The following ZNF425 variants were observed in gnomAD, a reference collection of about 807,000 sequenced individuals.
ZNF425 encodes zinc finger protein 425.
ZNF425 carries 21 observed loss-of-function variants against 17.0 expected under a neutral mutation model. That is an observed-to-expected ratio of 1.23 (90% CI 0.88 to 1.78). The LOEUF (loss-of-function observed/expected upper bound fraction) is 1.78, where lower values mean the gene tolerates loss of function less well. Among genes scored for constraint, ZNF425 ranks in the 40% most tolerant of loss-of-function variants. ZNF425 has a pLI of 0.00. For synonymous variants in ZNF425, 433 were observed against 384.1 expected, an observed-to-expected ratio of 1.13 and a Z score of -1.49; for missense variants, 868 against 967.3, an observed-to-expected ratio of 0.90 and a Z score of 1.36.
intron 2 of ZNF425, among the ~76,000 whole-genome samples, chr7:149,113,115 T>G (rs1463922399): frequency 1.3e-5 from 2 of 151,464 alleles, no homozygotes; most frequent in East Asian, 3.9e-4. Context: ...TAGCTGGGAT[T>G]ACAGGTACGT....
intron 2 of ZNF425, among the ~76,000 whole-genome samples, chr7:149,114,256 TA>T (rs1273352114): frequency 2.1e-5 from 3 of 145,006 alleles, no homozygotes; most frequent in African/African-American, 7.7e-5. Context: ...GTATTTTTAG[TA>T]GAGACGGGGT....
At chr7:149,112,707 C>A (rs1365085096) in intron 2 of ZNF425, among the ~76,000 whole-genome samples, 1 of 151,998 alleles carries the variant, frequency 6.6e-6, no homozygotes, top group African/African-American at 2.4e-5. Context: ...ACTCTGTCAC[C>A]CATGCTGGAG....
Position 149,104,737 on chromosome 7 carries a change from C to G in ZNF425, c.1134G>C (p.Arg378Ser). 1 of 1,613,216 alleles carries G rather than the reference C, an allele frequency of 6.2e-7. No individual in the cohort carries two copies. The highest frequency in any genetic ancestry group is 8.5e-7 in the Non-Finnish European group (1 of 1,179,944). The change falls in exon 4 of 4, where the codon AGG becomes AGC. Residue 378 changes from arginine (R) to serine (S), a missense_variant. Around this residue, in one of 5 missense-constraint regions of ZNF425, gnomAD observed 243 missense variants for 265.2 expected, o/e 0.92. Coordinates refer to ENST00000378061, the MANE Select transcript of ZNF425 (RefSeq NM_001001661.3). The surrounding 1 kb of genome is among the most constrained non-coding windows in gnomAD (Gnocchi z 4.3). ...SRKAALKTHQ[R>S]THSEEKPFSC... The stretch of plus-strand genomic sequence containing the variant: ...AAAACGGCTTTTCCTCGCTGTGCGT[C>G]CTCTGGTGGGTCTTCAGGGCAGCCT...
chr7:149,122,541 T>G (rs546358936), intron 1 of ZNF425, among the ~76,000 whole-genome samples: 5 of 152,228 alleles, frequency 3.3e-5, no homozygotes, highest in African/African-American at 1.2e-4. Context: ...AAATTTTGAT[T>G]ATGTCCAATT....
rs1052156682 is a variant in ZNF425, at chr7:149,117,577, T to C, written c.145+645A>G. Among the ~76,000 whole-genome samples the C allele has an allele frequency of 7.9e-5, 11 of 139,466 alleles. No homozygotes were observed. The South Asian group carries it at 2.7e-3, about 35-fold the overall frequency. The allele number at this position is 139,466 out of a possible 152,430, so 91.5% of individuals were successfully genotyped here. A position where few individuals can be genotyped will look rare whatever the true frequency, so the allele number is the denominator to read the frequency against. On this transcript the variant is annotated intron_variant, in intron 2 of 3. Coordinates refer to ENST00000378061, the MANE Select transcript of ZNF425 (RefSeq NM_001001661.3). ...GCAACACAATAAGGAGGCATGAAAG[T>C]ATTAAAGAAATAAAAGAATACACTT...
rs982634517 is a variant in ZNF425 at position 149,112,402 on chromosome 7, G to A, written c.146-107C>T. Reference sequence around the variant, plus strand: ...TAATCCCAGCACTTTGGGAGGCCAAGGCAGGCAGATCTCTTGAGGTCAGGA... The same window carrying A: ...TAATCCCAGCACTTTGGGAGGCCAAAGCAGGCAGATCTCTTGAGGTCAGGA... On this transcript the variant is annotated intron_variant, in intron 2 of 3. Transcript: ENST00000378061. 4.9e-5 allele frequency: 45 copies of A among 916,506 alleles called. No homozygotes were observed. The African/African-American group carries it at 6.5e-4, about 13-fold the overall frequency. 56.8% of individuals were successfully genotyped at this position (916,506 alleles called of 1,614,324 possible). A position where few individuals can be genotyped will look rare whatever the true frequency, so the allele number is the denominator to read the frequency against.
chr7:149,110,622 A>G (rs1007419909), intron 3 of ZNF425, among the ~76,000 whole-genome samples: 13 of 151,830 alleles, frequency 8.6e-5, no homozygotes, highest in African/African-American at 3.1e-4. Context: ...ATACTCCCTT[A>G]TGTCACAAGG....
At chr7:149,112,537 G>T (rs1232101759) in intron 2 of ZNF425, 3 of 368,934 alleles carry the variant, frequency 8.1e-6, no homozygotes, top group Non-Finnish European at 1.5e-5. Context: ...GGAGGCTGAA[G>T]TGCGAGAATC....
Position 149,126,241 on chromosome 7 carries a change from T to A in ZNF425, c.-28A>T. On this transcript the variant is annotated 5_prime_UTR_variant, in exon 1 of 4. Transcript: ENST00000378061. ...CGGTTCCGCACGAACCGGCCCTGCC[T>A]GGCACGGCCTCCCCTCCGCTCCGCC... The A allele has an allele frequency of 6.2e-7, 1 of 1,608,426 alleles. No homozygotes were observed. The highest frequency in any genetic ancestry group is 8.5e-7 in the Non-Finnish European group (1 of 1,177,926).
chr7:149,118,394 C>T, intron 1 of ZNF425, 46 bp from the exon 2 acceptor site: 1 of 1,607,638 alleles, frequency 6.2e-7, no homozygotes, highest in Non-Finnish European at 8.5e-7. Context: ...TTTACGGCTA[C>T]TTTGTTTTTC....
rs375942487 is a variant in ZNF425 at position 149,103,951 on chromosome 7, A to G, written c.1920T>C (p.Cys640=). The G allele has an allele frequency of 1.8e-5, 29 of 1,613,876 alleles. No individual in the cohort carries two copies. In the African/African-American group the frequency reaches 3.2e-4, roughly 18 times the overall value. ...GAGTGAAACTTTTGCCGCACATCAC[A>G]CAAGAGAATGGCTTTTGGCCACTGT... ...LQHSGQKPFS[C]VMCGKSFTQQ... is the part of the protein sequence containing the mutation. The change falls in exon 4 of 4, where the codon TGT becomes TGC. Residue 640 remains cysteine (C), a synonymous_variant. Transcript: ENST00000378061.
chr7:149,104,861 C>T lies in ZNF425; in HGVS notation c.1010G>A (p.Arg337Gln), dbSNP rs1252705449. ...CATGCCCCTCTTCAGGCGGAAGCAC[C>T]GGTCACACTGCGGACACTGGAAGGG... is the stretch of plus-strand genomic sequence containing the variant. ...EKPFQCPQCD[R>Q]CFRLKRGMKV... The change falls in exon 4 of 4, where the codon CGG (arginine) becomes CAG (glutamine). Residue 337 changes from arginine to glutamine, a missense_variant. Coordinates refer to ENST00000378061, the MANE Select transcript of ZNF425 (RefSeq NM_001001661.3). This position sits in a 1 kb window ranked among gnomAD's most constrained non-coding sequence, Gnocchi z 4.3. 3.7e-6 allele frequency: 6 copies of T among 1,611,946 alleles called. No individual in the cohort carries two copies. Among genetic ancestry groups the T allele is most frequent in the South Asian group, 3.3e-5 (3 of 90,774 alleles).
rs369708154 is a variant in ZNF425, at chr7:149,118,278, T to C, written c.89A>G (p.Gln30Arg). 1 of 1,614,036 alleles carries C rather than the reference T, an allele frequency of 6.2e-7. No homozygotes were observed. The highest frequency in any genetic ancestry group is 1.3e-5 in the African/African-American group (1 of 74,942). The change falls in exon 2 of 4, where the codon CAG becomes CGG. Residue 30 changes from glutamine (Q) to arginine (R), a missense_variant. Gln to Arg is a conservative substitution (Grantham distance 43). Around this residue, in one of 5 missense-constraint regions of ZNF425, gnomAD observed 179 missense variants for 216.3 expected, o/e 0.83. Coordinates refer to ENST00000378061, the MANE Select transcript of ZNF425 (RefSeq NM_001001661.3). ...CATCTCTTGCTTATACATTTGCTTCTGCCACTTCTCCAGGATCTCCCACTC... is the reference window on the plus strand; with the variant it reads ...CATCTCTTGCTTATACATTTGCTTCCGCCACTTCTCCAGGATCTCCCACTC... ...EQEWEILEKW[Q>R]KQMYKQEMKT... is the part of the protein sequence containing the mutation.
chr7:149,112,295 C>T lies in ZNF425; in HGVS notation c.146G>A (p.Gly49Glu), dbSNP rs748808646. 2.5e-6 allele frequency: 4 copies of T among 1,613,072 alleles called. No homozygotes were observed. The African/African-American group carries it at 5.3e-5, about 22-fold the overall frequency. ...CAAATCTGGCTTGGAAAAAGCATAC[C>T]CTGCAAATAGAGTCCACACAGACTT... is the stretch of plus-strand genomic sequence containing the variant. ...KTNYETLDSL[G>E]YAFSKPDLIT... The change falls in exon 3 of 4, where the codon GGG (glycine) becomes GAG (glutamate). Residue 49 changes from glycine to glutamate, a missense_variant and splice_region_variant. Transcript: ENST00000378061.
chr7:149,107,478 C>G (rs1323886704), intron 3 of ZNF425, among the ~76,000 whole-genome samples: 1 of 151,834 alleles, frequency 6.6e-6, no homozygotes, highest in African/African-American at 2.4e-5. Flanking sequence ...GCTGGGACTA[C>G]AGGCGCCCAC....
intron 3 of ZNF425, among the ~76,000 whole-genome samples, chr7:149,106,153 C>T (rs1465283384): frequency 6.6e-6 from 1 of 150,554 alleles, no homozygotes; most frequent in Non-Finnish European, 1.5e-5. Context: ...CAGGGTTTCA[C>T]CATCTTGGCC....
intron 2 of ZNF425, among the ~76,000 whole-genome samples, chr7:149,117,414 C>T (rs1180912025): frequency 1.3e-5 from 2 of 152,050 alleles, no homozygotes; most frequent in Non-Finnish European, 2.9e-5. Context: ...TCTCTCCTCC[C>T]TTCCTCTACC....
chr7:149,103,807 G>A lies in ZNF425; in HGVS notation c.2064C>T (p.His688=). The part of the protein sequence containing the change: ...RGSLKVHLYK[H]SGERPFQCPE... ...GACACTGGAAGGGCCTCTCTCCACTGTGCTTATACAAGTGGACCTTCAAGC... is the reference window on the plus strand; with the variant it reads ...GACACTGGAAGGGCCTCTCTCCACTATGCTTATACAAGTGGACCTTCAAGC... The change falls in exon 4 of 4, where the codon CAC becomes CAT. Residue 688 remains histidine, a synonymous_variant. Coordinates refer to ENST00000378061, the MANE Select transcript of ZNF425 (RefSeq NM_001001661.3). 6.2e-7 allele frequency: 1 copy of A among 1,614,132 alleles called. No homozygotes were observed. The highest frequency in any genetic ancestry group is 8.5e-7 in the Non-Finnish European group (1 of 1,180,012).
intron 2 of ZNF425, chr7:149,112,525 C>T (rs190222546): frequency 1.1e-4 from 40 of 375,804 alleles, no homozygotes; most frequent in Middle Eastern, 7.3e-4. Context: ...ACCAGCTACT[C>T]GGGAGGCTGA....
Sources: gnomAD v4.1 joint callset for allele counts (sites outside exome capture counted in the v4.1 genomes callset) on GRCh38, gnomAD v4.1.1 for gene constraint, gnomAD v4.1.1 regional missense constraint, Gnocchi (gnomAD v3.1) non-coding constraint, MANE v1.5 for transcripts, NCBI Gene and HGNC (gene_info 2026-07-23, HGNC 2026-07-21) for gene names.